The following GHR variants were observed in gnomAD, a reference collection of about 807,000 sequenced individuals.
GHR encodes GH receptor.
Under a neutral mutation model 67.1 loss-of-function variants are expected in GHR, and 35 were observed. The observed-to-expected ratio is 0.52, with a 90% confidence interval of 0.40 to 0.69. GHR has a LOEUF of 0.69. GHR is among the 30% of genes least tolerant of loss of function. The pLI is 0.00. For synonymous variants in GHR, 272 were observed against 269.1 expected, an observed-to-expected ratio of 1.01 and a Z score of -0.10; for missense variants, 792 against 764.6, an observed-to-expected ratio of 1.04 and a Z score of -0.42.
At chr5:42,524,294 A>T (rs35920615) in intron 1 of GHR, among the ~76,000 whole-genome samples, 27,948 of 152,136 alleles carry the variant, frequency 0.18, 2,891 homozygotes, top group Non-Finnish European at 0.22. Context: ...GTGGTTTCAG[A>T]TGGAGATGAG....
intron 1 of GHR, among the ~76,000 whole-genome samples, chr5:42,488,472 T>C (rs1745976127): frequency 6.6e-6 from 1 of 152,204 alleles, no homozygotes; most frequent in South Asian, 2.1e-4. Context: ...CAACACCTTA[T>C]TCTCATTTCA....
chr5:42,670,870 A>ATATATATAT (rs1399086875), intron 3 of GHR, among the ~76,000 whole-genome samples: 3 of 87,364 alleles, frequency 3.4e-5, no homozygotes, highest in African/African-American at 1.2e-4. Context: ...AAAATTAAAA[A>ATATATATAT]AAAAAAAAAA....
chr5:42,477,620 T>A (rs1745398423), intron 1 of GHR, among the ~76,000 whole-genome samples: 1 of 152,226 alleles, frequency 6.6e-6, no homozygotes. Context: ...GATTTGCATT[T>A]CTCTGATGGC....
chr5:42,674,337 T>C (rs1167618152), intron 3 of GHR, among the ~76,000 whole-genome samples: 2 of 152,242 alleles, frequency 1.3e-5, no homozygotes, highest in African/African-American at 2.4e-5. Context: ...TTGTATGTTT[T>C]AGATAGTTTT....
chr5:42,549,581 A>T, intron 1 of GHR: 1 of 597,416 alleles, frequency 1.7e-6, no homozygotes, highest in Non-Finnish European at 2.1e-6. Flanking sequence ...AAGATGGATT[A>T]AGTGAGAAGA....
At chr5:42,524,082 C>T (rs1469628293) in intron 1 of GHR, among the ~76,000 whole-genome samples, 1 of 152,118 alleles carries the variant, frequency 6.6e-6, no homozygotes, top group African/African-American at 2.4e-5. Context: ...AAATTGGTAC[C>T]AGTAGAGTGG....
intron 3 of GHR, among the ~76,000 whole-genome samples, chr5:42,661,319 G>A (rs1450222624): frequency 6.6e-6 from 1 of 152,160 alleles, no homozygotes; most frequent in African/African-American, 2.4e-5. Flanking sequence ...CACCAAAGTT[G>A]AAACGAAGGA....
At chr5:42,439,298 C>A (rs1272151579) in intron 1 of GHR, among the ~76,000 whole-genome samples, 1 of 152,194 alleles carries the variant, frequency 6.6e-6, no homozygotes, top group Non-Finnish European at 1.5e-5. Context: ...GGTAAGTTAT[C>A]ACTCATAATC....
At chr5:42,584,786 TACACACACAC>T (rs35457239) in intron 2 of GHR, among the ~76,000 whole-genome samples, 9 of 148,060 alleles carry the variant, frequency 6.1e-5, no homozygotes, top group Non-Finnish European at 1.4e-4. Context: ...CTAGAATGTA[TACACACACAC>T]ACACACACAC....
chr5:42,716,732 G>A (rs1188440067), intron 8 of GHR, among the ~76,000 whole-genome samples: 2 of 152,182 alleles, frequency 1.3e-5, no homozygotes, highest in Non-Finnish European at 2.9e-5. Flanking sequence ...TTGCCCCACT[G>A]AGTAGTAGAG....
At chr5:42,672,171 G>A (rs1259930532) in intron 3 of GHR, among the ~76,000 whole-genome samples, 2 of 151,936 alleles carry the variant, frequency 1.3e-5, no homozygotes, top group Admixed American at 1.3e-4. Flanking sequence ...AGAAATAAAA[G>A]ACATCAAAAT....
chr5:42,469,959 G>C (rs146925406), intron 1 of GHR, among the ~76,000 whole-genome samples: 1 of 151,580 alleles, frequency 6.6e-6, no homozygotes, highest in African/African-American at 2.4e-5. Context: ...AGTAATTTAA[G>C]TCTCACCTCC....
chr5:42,693,603 C>A (rs1002598383), intron 4 of GHR, among the ~76,000 whole-genome samples: 1 of 152,128 alleles, frequency 6.6e-6, no homozygotes, highest in African/African-American at 2.4e-5. Flanking sequence ...AGCAGACCAG[C>A]CTGAGAAACA....
rs563922650 is a variant in GHR at position 42,720,072 on chromosome 5, G to C, written c.*648G>C. ...AGGAGTGTAGCAACTACAGTCTAAA[G>C]CTGGTTTAATGTTTTGGCCAATGCA... On this transcript the variant is annotated 3_prime_UTR_variant, in exon 10 of 10. Transcript: ENST00000230882. The C allele has an allele frequency of 2.6e-5, 4 of 153,638 alleles. No individual in the cohort carries two copies. The highest frequency in any genetic ancestry group is 9.6e-5 in the African/African-American group (4 of 41,552). The allele number at this position is 153,638 out of a possible 1,614,324, so 9.5% of individuals were successfully genotyped here.
chr5:42,688,836 G>C (rs1757282910), intron 3 of GHR, 54 bp from the exon 4 acceptor site: 20 of 1,544,910 alleles, frequency 1.3e-5, no homozygotes, highest in Non-Finnish European at 1.8e-5. Context: ...GTCTCATTAG[G>C]ATCACATATG....
chr5:42,656,669 T>C (rs1755272418), intron 3 of GHR, among the ~76,000 whole-genome samples: 1 of 152,176 alleles, frequency 6.6e-6, no homozygotes, highest in Non-Finnish European at 1.5e-5. Flanking sequence ...CCCTACTATG[T>C]GTAAGGAGGA....
chr5:42,679,165 TTA>T (rs1756726696), intron 3 of GHR, among the ~76,000 whole-genome samples: 1 of 145,728 alleles, frequency 6.9e-6, no homozygotes, highest in Admixed American at 7.0e-5. Context: ...TATATATTAA[TTA>T]ATATATTATA....
chr5:42,514,461 T>C, intron 1 of GHR: 5 of 249,604 alleles, frequency 2.0e-5, no homozygotes, highest in Non-Finnish European at 3.0e-5. Flanking sequence ...TATGCATAAA[T>C]GGTTCTAGAT....
At chr5:42,515,879 T>C (rs1012115007) in intron 1 of GHR, among the ~76,000 whole-genome samples, 4 of 152,214 alleles carry the variant, frequency 2.6e-5, no homozygotes, top group African/African-American at 9.6e-5. Flanking sequence ...TTGTAGGAGC[T>C]AGTATTTTAA....
Sources: allele counts gnomAD v4.1 joint callset (sites outside exome capture counted in the v4.1 genomes callset), GRCh38; gene constraint gnomAD v4.1.1; transcripts MANE v1.5; gene names NCBI Gene and HGNC (gene_info 2026-07-23, HGNC 2026-07-21).